KANSL1: variants seen among roughly 807,000 people sequenced by gnomAD.
KANSL1 encodes KAT8 regulatory NSL complex subunit 1.
A neutral mutation model predicts 103.6 loss-of-function variants in KANSL1; 22 were observed. The ratio of observed to expected loss-of-function variants is 0.21; its 90% confidence interval spans 0.15 to 0.30. The LOEUF is 0.30. Among genes scored for constraint, KANSL1 ranks in the 10% least tolerant of loss-of-function variants. KANSL1 has a pLI of 1.00. For synonymous variants in KANSL1, 600 were observed against 527.6 expected, an observed-to-expected ratio of 1.14 and a Z score of -1.88; for missense variants, 1,337 against 1,399.8, an observed-to-expected ratio of 0.96 and a Z score of 0.72.
intron 4 of KANSL1, among the ~76,000 whole-genome samples, chr17:46,076,093 T>C (rs551037284): frequency 6.6e-6 from 1 of 152,322 alleles, no homozygotes; most frequent in Admixed American, 6.5e-5. Flanking sequence ...CTATCAAACA[T>C]TGTTAAAAGC....
At chr17:46,102,383 G>A (rs112102887) in intron 2 of KANSL1, among the ~76,000 whole-genome samples, 21,669 of 151,988 alleles carry the variant, frequency 0.14, 2,122 homozygotes, top group Non-Finnish European at 0.22. Context: ...CTGAGTAGCT[G>A]GGATTACAGG....
At chr17:46,157,745 T>C (rs926059708) in intron 2 of KANSL1, among the ~76,000 whole-genome samples, 1 of 152,246 alleles carries the variant, frequency 6.6e-6, no homozygotes, top group African/African-American at 2.4e-5. Context: ...ATGAGATCAA[T>C]TTCATATACA....
chr17:46,090,193 G>A (rs978744654), intron 3 of KANSL1, among the ~76,000 whole-genome samples: 2 of 152,184 alleles, frequency 1.3e-5, no homozygotes, highest in African/African-American at 4.8e-5. Context: ...GAACACCAAG[G>A]ACTAGCACAA....
At chr17:46,040,177 T>G (rs2077269944) in intron 7 of KANSL1, 1 of 424,676 alleles carries the variant, frequency 2.4e-6, no homozygotes, top group Admixed American at 4.0e-5. Context: ...ATTTACTGGT[T>G]TGAAAACATC....
chr17:46,131,877 C>T (rs1202709493), intron 2 of KANSL1, among the ~76,000 whole-genome samples: 1 of 152,150 alleles, frequency 6.6e-6, no homozygotes, highest in African/African-American at 2.4e-5. Flanking sequence ...GCCTGTAATC[C>T]CAGCACTTTG....
chr17:46,033,560 G>T, intron 11 of KANSL1, 100 bp from the exon 12 acceptor site: 1 of 933,014 alleles, frequency 1.1e-6, no homozygotes, highest in Non-Finnish European at 1.8e-6. Context: ...GCACCTGTGG[G>T]TGACACTGCT....
intron 2 of KANSL1, among the ~76,000 whole-genome samples, chr17:46,134,993 C>T (rs1329380264): frequency 2.0e-5 from 3 of 152,164 alleles, no homozygotes; most frequent in African/African-American, 7.2e-5. Context: ...AGTATGACAT[C>T]TTCCAATAAT....
chr17:46,196,598 A>G (rs572834154), upstream of KANSL1: 9 of 335,556 alleles, frequency 2.7e-5, no homozygotes, highest in East Asian at 7.5e-4. Context: ...GTATCAACCA[A>G]TCCTGACAAT....
At chr17:46,066,987 A>G (rs1442545301) in intron 5 of KANSL1, among the ~76,000 whole-genome samples, 1 of 152,180 alleles carries the variant, frequency 6.6e-6, no homozygotes, top group Non-Finnish European at 1.5e-5. Flanking sequence ...CAATAAATAA[A>G]CTCAAGTTCT....
upstream of KANSL1, among the ~76,000 whole-genome samples, chr17:46,197,013 C>T (rs775800191): frequency 6.6e-6 from 1 of 152,136 alleles, no homozygotes; most frequent in Non-Finnish European, 1.5e-5. Flanking sequence ...TACTCAGAGG[C>T]TCAGGCAGGA....
intron 1 of KANSL1, 157 bp downstream of exon 1, chr17:46,192,666 C>G (rs1188098910): frequency 1.3e-5 from 2 of 153,244 alleles, no homozygotes; most frequent in Non-Finnish European, 2.9e-5. Context: ...CAGGGAAGCC[C>G]GGAGAGGCCA....
chr17:46,086,174 A>C (rs1330204082), intron 3 of KANSL1, among the ~76,000 whole-genome samples: 1 of 147,730 alleles, frequency 6.8e-6, no homozygotes, highest in Non-Finnish European at 1.5e-5. Flanking sequence ...GTTATATGAA[A>C]GTAAGGACGC....
chr17:46,082,391 C>T, intron 4 of KANSL1, 50 bp downstream of exon 4: 1 of 1,226,698 alleles, frequency 8.2e-7, no homozygotes, highest in South Asian at 1.2e-5. Context: ...TGTGCCAAGA[C>T]AACACCCTTA....
At chr17:46,195,501 TAAATC>T (rs1303091627), upstream of KANSL1, among the ~76,000 whole-genome samples, 3 of 152,260 alleles carry the variant, frequency 2.0e-5, no homozygotes, top group Admixed American at 6.5e-5. Context: ...TTATGGCACT[TAAATC>T]AGTCAACCTG....
chr17:46,039,615 C>A (rs2077253539), intron 8 of KANSL1, 87 bp downstream of exon 8: 3 of 1,440,564 alleles, frequency 2.1e-6, no homozygotes, highest in Non-Finnish European at 2.8e-6. Flanking sequence ...CCAACCCCAA[C>A]ATGCATGCAA....
intron 2 of KANSL1, among the ~76,000 whole-genome samples, chr17:46,111,408 C>A (rs896242627): frequency 6.6e-6 from 1 of 152,188 alleles, no homozygotes; most frequent in Non-Finnish European, 1.5e-5. Context: ...TAGGGTTTCA[C>A]CATGTTGGCC....
At chr17:46,103,718 C>A (rs951014089) in intron 2 of KANSL1, among the ~76,000 whole-genome samples, 6 of 152,178 alleles carry the variant, frequency 3.9e-5, no homozygotes, top group Non-Finnish European at 7.3e-5. Context: ...GCCCATACTT[C>A]TAAACTTGAT....
chr17:46,052,211 G>A (rs1235507703), intron 6 of KANSL1, among the ~76,000 whole-genome samples: 1 of 152,134 alleles, frequency 6.6e-6, no homozygotes, highest in African/African-American at 2.4e-5. Context: ...ATATTCAAAA[G>A]AGATTATCTC....
intron 2 of KANSL1, among the ~76,000 whole-genome samples, chr17:46,150,969 T>C (rs1183858258): frequency 6.6e-6 from 1 of 151,486 alleles, no homozygotes; most frequent in Non-Finnish European, 1.5e-5. Flanking sequence ...TGTTCAGCAT[T>C]ATGAATATAA....
Sources: allele counts gnomAD v4.1 joint callset (sites outside exome capture counted in the v4.1 genomes callset), GRCh38; gene constraint gnomAD v4.1.1; transcripts MANE v1.5; gene names NCBI Gene and HGNC (gene_info 2026-07-23, HGNC 2026-07-21).